ELMOD2: variants seen among roughly 807,000 people sequenced by gnomAD.
The protein encoded by ELMOD2 is ELMO domain-containing protein 2.
A neutral mutation model predicts 41.0 loss-of-function variants in ELMOD2; 28 were observed. The observed-to-expected ratio is 0.68, with a 90% CI of 0.51 to 0.94. ELMOD2 has a LOEUF of 0.94. Among genes scored for constraint, ELMOD2 ranks in the 40% least tolerant of loss-of-function variants. The pLI, the probability that ELMOD2 is intolerant of heterozygous loss-of-function variation, is 0.00. For missense variants in ELMOD2, 333 were observed against 343.1 expected (o/e 0.97, Z 0.23); for synonymous variants, 106 against 107.2 (o/e 0.99, Z 0.07).
intron 5 of ELMOD2, among the ~76,000 whole-genome samples, chr4:140,539,017 A>C (rs1467547261): frequency 6.6e-6 from 1 of 152,208 alleles, no homozygotes. Context: ...AGCAAGTCAC[A>C]GGTGTTGATA....
At chr4:140,536,083 A>G (rs1179413139) in intron 4 of ELMOD2, among the ~76,000 whole-genome samples, 1 of 152,172 alleles carries the variant, frequency 6.6e-6, no homozygotes, top group Non-Finnish European at 1.5e-5. Context: ...ATGTCTTACC[A>G]TGACTTTCCC....
chr4:140,529,163 C>G (rs1001511162), intron 3 of ELMOD2, among the ~76,000 whole-genome samples: 5 of 152,148 alleles, frequency 3.3e-5, no homozygotes, highest in Non-Finnish European at 7.4e-5. Flanking sequence ...CTAACATGTT[C>G]CCAGGTGATA....
At chr4:140,546,725 T>A (rs1191195826) in intron 8 of ELMOD2, among the ~76,000 whole-genome samples, 1 of 152,044 alleles carries the variant, frequency 6.6e-6, no homozygotes, top group Non-Finnish European at 1.5e-5. Flanking sequence ...TTGTGCAGTA[T>A]TTTTCCCCTA....
intron 5 of ELMOD2, 76 bp from the exon 6 acceptor site, chr4:140,540,092 T>C: frequency 6.7e-7 from 1 of 1,498,790 alleles, no homozygotes; most frequent in Non-Finnish European, 9.0e-7. Flanking sequence ...CTACAAAAGT[T>C]ATTTGATAGC....
At position 140,525,390 on chromosome 4, in the gene ELMOD2, A is replaced by AAT. The variant is rs747290749; in HGVS notation, c.-9-29_-9-28insTA. On this transcript the variant is annotated intron_variant, in intron 1 of 8. Coordinates refer to ENST00000323570, the MANE Select transcript of ELMOD2 (RefSeq NM_153702.4). ...TTTTAAAATTCAGTTTAAGGTCATT[A>AAT]AGCTTGTCTTGTATGTTTCCCTCCT... 3 of 1,597,350 alleles carry AAT rather than the reference A, an allele frequency of 1.9e-6. No individual in the cohort carries two copies. The East Asian group carries it at 6.7e-5, about 36-fold the overall frequency.
At chr4:140,541,232 A>G (rs568508949) in intron 6 of ELMOD2, among the ~76,000 whole-genome samples, 1 of 152,328 alleles carries the variant, frequency 6.6e-6, no homozygotes, top group South Asian at 2.1e-4. Context: ...TATAGACTAT[A>G]AAATGTCTAG....
At chr4:140,527,354 C>T in intron 2 of ELMOD2, 112 bp from the exon 3 acceptor site, 4 of 825,206 alleles carry the variant, frequency 4.8e-6, no homozygotes, top group Non-Finnish European at 8.0e-6. Context: ...ATTATATCTC[C>T]TGGAACTATT....
intron 5 of ELMOD2, among the ~76,000 whole-genome samples, chr4:140,539,812 C>CAT (rs748146162): frequency 1.3e-5 from 2 of 152,244 alleles, no homozygotes; most frequent in East Asian, 3.9e-4. Flanking sequence ...ATTAACCCAC[C>CAT]ATTATAATAG....
At chr4:140,532,236 C>T (rs570178089) in intron 3 of ELMOD2, among the ~76,000 whole-genome samples, 10 of 149,950 alleles carry the variant, frequency 6.7e-5, no homozygotes, top group Non-Finnish European at 1.5e-4. Flanking sequence ...GTGATCTCGG[C>T]TCACTGCACC....
At chr4:140,539,230 G>A (rs920969240) in intron 5 of ELMOD2, among the ~76,000 whole-genome samples, 3 of 152,066 alleles carry the variant, frequency 2.0e-5, no homozygotes, top group Non-Finnish European at 2.9e-5. Context: ...GCAAATTTTC[G>A]CAAACCTTCT....
intron 5 of ELMOD2, among the ~76,000 whole-genome samples, chr4:140,538,899 A>G (rs1292740967): frequency 6.6e-6 from 1 of 152,226 alleles, no homozygotes; most frequent in Non-Finnish European, 1.5e-5. Context: ...CATGCATATT[A>G]AATTTTTAAT....
intron 1 of ELMOD2, 191 bp downstream of exon 1, chr4:140,524,471 C>T (rs549756339): frequency 6.3e-5 from 29 of 458,626 alleles, no homozygotes; most frequent in African/African-American, 6.2e-4. Flanking sequence ...GCCCAGAGCC[C>T]TGGGGTGCTC....
At chr4:140,547,012 C>T (rs2110882208) in intron 8 of ELMOD2, among the ~76,000 whole-genome samples, 1 of 152,296 alleles carries the variant, frequency 6.6e-6, no homozygotes, top group Non-Finnish European at 1.5e-5. Flanking sequence ...CCAAAAACTT[C>T]ATTCTTATAC....
chr4:140,550,081 C>A (rs1735422632), intron 8 of ELMOD2, 149 bp from the exon 9 acceptor site: 4 of 645,036 alleles, frequency 6.2e-6, no homozygotes, highest in Non-Finnish European at 1.0e-5. Flanking sequence ...TTATTAAGTC[C>A]CTCAGGCTTC....
intron 5 of ELMOD2, among the ~76,000 whole-genome samples, chr4:140,538,037 A>C (rs1734988021): frequency 6.6e-6 from 1 of 152,162 alleles, no homozygotes; most frequent in African/African-American, 2.4e-5. Flanking sequence ...AAAGATTTAA[A>C]CTTTAAGAAA....
intron 4 of ELMOD2, among the ~76,000 whole-genome samples, chr4:140,536,865 C>T (rs1470072028): frequency 6.6e-6 from 1 of 151,964 alleles, no homozygotes; most frequent in Non-Finnish European, 1.5e-5. Flanking sequence ...CTTTGAAGGA[C>T]ATTTCAGAGA....
At chr4:140,534,295 A>G (rs996160321) in intron 3 of ELMOD2, among the ~76,000 whole-genome samples, 2 of 152,198 alleles carry the variant, frequency 1.3e-5, no homozygotes, top group African/African-American at 4.8e-5. Flanking sequence ...GTTGAACAAA[A>G]GAAGCCAGAC....
intron 4 of ELMOD2, 68 bp downstream of exon 4, chr4:140,535,898 C>A: frequency 7.3e-7 from 1 of 1,372,684 alleles, no homozygotes; most frequent in Non-Finnish European, 1.0e-6. Flanking sequence ...ATATCACACA[C>A]TGTTGTAACA....
At chr4:140,524,748 C>G in intron 1 of ELMOD2, 1 of 576,402 alleles carries the variant, frequency 1.7e-6, no homozygotes, top group Non-Finnish European at 2.2e-6. Context: ...ATCTCCCTGA[C>G]TTTTTCATTT....
Sources: gnomAD v4.1 joint callset for allele counts (sites outside exome capture counted in the v4.1 genomes callset) on GRCh38, gnomAD v4.1.1 for gene constraint, MANE v1.5 for transcripts, NCBI Gene and HGNC (gene_info 2026-07-23, HGNC 2026-07-21) for gene names.